PHIP: variants seen among roughly 807,000 people sequenced by gnomAD.
The protein encoded by PHIP is PH-interacting protein.
Under a neutral mutation model 236.8 loss-of-function variants are expected in PHIP, and 54 were observed. The observed-to-expected ratio is 0.23, with a 90% CI of 0.18 to 0.29. The LOEUF is 0.29. PHIP is among the 10% of genes least tolerant of loss of function. The pLI is 1.00. For synonymous variants in PHIP, 756 were observed against 718.9 expected (o/e 1.05, Z -0.83); for missense variants, 1,370 against 2,190.8 (o/e 0.63, Z 7.48).
At chr6:79,032,954 T>C (rs979112408) in intron 7 of PHIP, among the ~76,000 whole-genome samples, 1 of 152,130 alleles carries the variant, frequency 6.6e-6, no homozygotes, top group Non-Finnish European at 1.5e-5. Flanking sequence ...GCAGAATAAA[T>C]GTATTGTCAG....
At chr6:78,995,062 C>T (rs1769522683) in intron 19 of PHIP, among the ~76,000 whole-genome samples, 1 of 152,186 alleles carries the variant, frequency 6.6e-6, no homozygotes, top group African/African-American at 2.4e-5. Context: ...TCTTAGCAAC[C>T]TAAATCTGTT....
At chr6:79,037,267 A>G (rs912775289) in intron 7 of PHIP, among the ~76,000 whole-genome samples, 2 of 152,124 alleles carry the variant, frequency 1.3e-5, no homozygotes, top group Non-Finnish European at 2.9e-5. Context: ...CAGGCCTTAC[A>G]ATCTGCAGGA....
chr6:78,985,624 TA>T (rs1768816657), intron 21 of PHIP, among the ~76,000 whole-genome samples, 196 bp from the exon 22 acceptor site: 1 of 152,142 alleles, frequency 6.6e-6, no homozygotes, highest in Non-Finnish European at 1.5e-5. Flanking sequence ...GCAGATCACT[TA>T]AGGTTAGGGG....
chr6:79,076,997 G>C (rs1392945768), intron 4 of PHIP, among the ~76,000 whole-genome samples: 1 of 152,178 alleles, frequency 6.6e-6, no homozygotes, highest in Non-Finnish European at 1.5e-5. Flanking sequence ...ATGCCACTTC[G>C]GAGCAGTTAG....
At chr6:78,957,332 A>G (rs905380773) in intron 32 of PHIP, 1 of 152,010 alleles carries the variant, frequency 6.6e-6, no homozygotes, top group Non-Finnish European at 1.5e-5. Context: ...AAGAGTCTTC[A>G]GAGGATAATG....
At chr6:79,043,361 T>G (rs920298262) in intron 6 of PHIP, among the ~76,000 whole-genome samples, 1 of 152,112 alleles carries the variant, frequency 6.6e-6, no homozygotes, top group Non-Finnish European at 1.5e-5. Context: ...AAGCTGTCTA[T>G]GAAATAGTTT....
intron 39 of PHIP, among the ~76,000 whole-genome samples, chr6:78,943,989 T>TAAAAA (rs1424311614): frequency 4.3e-5 from 2 of 46,822 alleles, no homozygotes; most frequent in Non-Finnish European, 8.3e-5. Flanking sequence ...CTGTCTTTTT[T>TAAAAA]TAAAAAAAAA....
rs563453157 is a variant in PHIP, at chr6:78,938,516, A to G, written c.*2177T>C. 1.3e-5 allele frequency: 2 copies of G among 151,774 alleles called. No homozygotes were observed. Among genetic ancestry groups the G allele is most frequent in the East Asian group, 3.9e-4 (2 of 5,176 alleles). The allele number at this position is 151,774 out of a possible 1,614,324, so 9.4% of individuals were successfully genotyped here. A position where few individuals can be genotyped will look rare whatever the true frequency, so the allele number is the denominator to read the frequency against. On this transcript the variant is annotated 3_prime_UTR_variant, in exon 40 of 40. Transcript: ENST00000275034. ...TGCAGATAACATCAGGAAATTACAT[A>G]TTTCAAATAGATTGCCTTCAAAAGC...
chr6:78,934,779 G>A lies in PHIP; in HGVS notation c.*5914C>T, dbSNP rs888383951. ...TGAGGAAAATGAAGCTCTGAGATACGACTTTGCTGGGGTTCCTCTACTTCC... is the reference window on the plus strand; with the variant it reads ...TGAGGAAAATGAAGCTCTGAGATACAACTTTGCTGGGGTTCCTCTACTTCC... On this transcript the variant is annotated 3_prime_UTR_variant, in exon 40 of 40. Transcript: ENST00000275034. 2.0e-5 allele frequency among the ~76,000 whole-genome samples: 3 copies of A among 152,128 alleles called. No individual in the cohort carries two copies. Among genetic ancestry groups the A allele is most frequent in the Non-Finnish European group, 4.4e-5 (3 of 68,026 alleles).
intron 24 of PHIP, among the ~76,000 whole-genome samples, chr6:78,975,199 G>A (rs1360271444): frequency 2.6e-5 from 4 of 151,786 alleles, no homozygotes; most frequent in Admixed American, 2.6e-4. Flanking sequence ...TTCATCCCTG[G>A]GATGCAAGGC....
intron 17 of PHIP, among the ~76,000 whole-genome samples, chr6:78,999,398 C>T (rs1769847169): frequency 6.6e-6 from 1 of 152,096 alleles, no homozygotes; most frequent in Admixed American, 6.6e-5. Flanking sequence ...GAAAGAATTA[C>T]CTGCTACCCT....
At chr6:79,016,745 T>C (rs1770849571) in intron 12 of PHIP, 103 bp from the exon 13 acceptor site, 2 of 677,410 alleles carry the variant, frequency 3.0e-6, no homozygotes, top group South Asian at 2.2e-5. Context: ...TTCATCTTTA[T>C]TTATGCAGCA....
chr6:79,008,844 C>T (rs1172315527), intron 15 of PHIP, among the ~76,000 whole-genome samples: 3 of 152,158 alleles, frequency 2.0e-5, no homozygotes, highest in Admixed American at 2.0e-4. Flanking sequence ...GTCAGTTCTC[C>T]CTTATGTCTT....
chr6:78,985,439 TTGA>T lies in PHIP; in HGVS notation c.2461-14_2461-12del. On this transcript the variant is annotated splice_polypyrimidine_tract_variant and intron_variant, in intron 21 of 39. Transcript: ENST00000275034. ...AACTACTTCGCCTTCCTAAGATATG[TTGA>T]ATACATGTCTTATTGCATAATTTTA... 7.2e-7 allele frequency: 1 copy of T among 1,381,792 alleles called. No homozygotes were observed. Among genetic ancestry groups the T allele is most frequent in the Non-Finnish European group, 1.0e-6 (1 of 968,984 alleles). The allele number at this position is 1,381,792 out of a possible 1,614,324, so 85.6% of individuals were successfully genotyped here. A position where few individuals can be genotyped will look rare whatever the true frequency, so the allele number is the denominator to read the frequency against.
At chr6:79,055,638 G>A (rs1411016887) in intron 6 of PHIP, among the ~76,000 whole-genome samples, 1 of 152,160 alleles carries the variant, frequency 6.6e-6, no homozygotes, top group Admixed American at 6.6e-5. Context: ...GCACTGGAAG[G>A]CAGGTGAACC....
At chr6:79,039,654 A>G (rs1189342906) in intron 7 of PHIP, among the ~76,000 whole-genome samples, 1 of 152,164 alleles carries the variant, frequency 6.6e-6, no homozygotes, top group East Asian at 1.9e-4. Context: ...TCTTTATTAT[A>G]CCATATTAAT....
chr6:78,960,535 A>C (rs1174762971), intron 31 of PHIP, among the ~76,000 whole-genome samples: 3 of 152,058 alleles, frequency 2.0e-5, no homozygotes, highest in East Asian at 3.9e-4. Flanking sequence ...ATGGTTGGGA[A>C]CCACATAGCA....
chr6:79,061,459 CAT>C (rs1454009531), intron 4 of PHIP, among the ~76,000 whole-genome samples: 3 of 152,036 alleles, frequency 2.0e-5, no homozygotes, highest in East Asian at 3.8e-4. Flanking sequence ...GGACACATAA[CAT>C]GTGATGTCTT....
At chr6:78,988,683 TATC>T (rs1425139927) in intron 20 of PHIP, among the ~76,000 whole-genome samples, 2 of 152,222 alleles carry the variant, frequency 1.3e-5, no homozygotes, top group African/African-American at 4.8e-5. Flanking sequence ...GTTAAAGGCT[TATC>T]ATGGTTATGC....
Sources: allele counts gnomAD v4.1 joint callset (sites outside exome capture counted in the v4.1 genomes callset), GRCh38; gene constraint gnomAD v4.1.1; transcripts MANE v1.5; gene names NCBI Gene and HGNC (gene_info 2026-07-23, HGNC 2026-07-21).